Variants in TBCK observed in about 807,000 individuals in gnomAD.
TBCK encodes the protein TBC domain-containing protein kinase-like protein.
TBCK carries 99 observed loss-of-function variants against 113.4 expected under a neutral mutation model. That is an observed-to-expected ratio of 0.87 (90% CI 0.74 to 1.03). The LOEUF is 1.03. TBCK is among the 50% of genes least tolerant of loss of function. TBCK has a pLI of 0.00. For synonymous variants in TBCK, 369 were observed against 370.8 expected (o/e 1.00, Z 0.05); for missense variants, 1,045 against 1,061.3 (o/e 0.98, Z 0.21).
intron 25 of TBCK, among the ~76,000 whole-genome samples, chr4:106,069,198 T>C (rs1737056223): frequency 1.3e-5 from 2 of 152,208 alleles, no homozygotes; most frequent in African/African-American, 4.8e-5. Flanking sequence ...CTTTTGGTGT[T>C]TTAGACATGA....
intron 24 of TBCK, among the ~76,000 whole-genome samples, chr4:106,114,105 C>T (rs958047268): frequency 1.4e-4 from 21 of 152,150 alleles, no homozygotes; most frequent in East Asian, 5.8e-4. Flanking sequence ...GAGCAGTGCC[C>T]GCCACACCTG....
At chr4:106,162,373 G>C (rs536722158) in intron 23 of TBCK, among the ~76,000 whole-genome samples, 1 of 152,266 alleles carries the variant, frequency 6.6e-6, no homozygotes, top group African/African-American at 2.4e-5. Context: ...TTTTCCAGAT[G>C]CATAGTGCAA....
intron 24 of TBCK, among the ~76,000 whole-genome samples, chr4:106,097,512 A>G (rs1258273173): frequency 6.6e-6 from 1 of 152,150 alleles, no homozygotes; most frequent in East Asian, 1.9e-4. Context: ...CTGGCAAAAA[A>G]CAGAGGAGAA....
At chr4:106,257,853 T>C (rs1008760816) in intron 5 of TBCK, among the ~76,000 whole-genome samples, 4 of 152,058 alleles carry the variant, frequency 2.6e-5, no homozygotes, top group East Asian at 1.9e-4. Context: ...AGTGAATATA[T>C]AGACATTAAA....
intron 10 of TBCK, 85 bp downstream of exon 10, chr4:106,247,054 G>C (rs1579384553): frequency 1.5e-6 from 2 of 1,323,532 alleles, no homozygotes; most frequent in East Asian, 4.7e-5. Flanking sequence ...ATATATTGTT[G>C]ATAAGTTCAA....
intron 3 of TBCK, among the ~76,000 whole-genome samples, chr4:106,269,028 G>T (rs1763247367): frequency 2.0e-5 from 3 of 152,088 alleles, no homozygotes; most frequent in Non-Finnish European, 4.4e-5. Flanking sequence ...CATTCTATGA[G>T]TTCAAGATGT....
At chr4:106,061,911 A>C (rs1736102704) in intron 25 of TBCK, among the ~76,000 whole-genome samples, 1 of 151,662 alleles carries the variant, frequency 6.6e-6, no homozygotes, top group Non-Finnish European at 1.5e-5. Flanking sequence ...AGTGATTTTT[A>C]CCAGTGACTC....
At chr4:106,133,695 A>G (rs2149628983) in intron 23 of TBCK, among the ~76,000 whole-genome samples, 1 of 152,308 alleles carries the variant, frequency 6.6e-6, no homozygotes, top group East Asian at 1.9e-4. Context: ...GAATTTAGAG[A>G]AAAGGGCCCA....
At chr4:106,270,922 T>C (rs1302840127) in intron 3 of TBCK, among the ~76,000 whole-genome samples, 1 of 152,208 alleles carries the variant, frequency 6.6e-6, no homozygotes, top group East Asian at 1.9e-4. Flanking sequence ...ACAGTGATTA[T>C]ATTTAGATCA....
chr4:106,106,428 A>C (rs1048962040), intron 24 of TBCK, among the ~76,000 whole-genome samples: 5 of 152,238 alleles, frequency 3.3e-5, no homozygotes, highest in Non-Finnish European at 7.3e-5. Context: ...GATTCCCATC[A>C]GGCTAACAGC....
At position 106,095,701 on chromosome 4, in the gene TBCK, A is replaced by C; in HGVS notation, c.2412-60T>G. On this transcript the variant is annotated intron_variant, in intron 24 of 25. Transcript: ENST00000394708. The stretch of plus-strand genomic sequence containing the variant: ...TGTGCAATCCTGAGTGTCTGAGGGA[A>C]ACTCACAGAGCTAAGTGACTCCCAG... The C allele has an allele frequency of 4.0e-6, 6 of 1,484,428 alleles. No individual in the cohort carries two copies. The South Asian group carries it at 7.6e-5, about 19-fold the overall frequency. The allele number at this position is 1,484,428 out of a possible 1,614,324, so 92.0% of individuals were successfully genotyped here. A position where few individuals can be genotyped will look rare whatever the true frequency, so the allele number is the denominator to read the frequency against.
intron 25 of TBCK, among the ~76,000 whole-genome samples, chr4:106,089,048 T>TA (rs1553926928): frequency 6.6e-6 from 1 of 150,864 alleles, no homozygotes; most frequent in African/African-American, 2.4e-5. Flanking sequence ...TTTTTTTTTT[T>TA]AATAGAAGAA....
intron 5 of TBCK, among the ~76,000 whole-genome samples, chr4:106,256,219 G>A (rs1457272357): frequency 2.0e-5 from 3 of 152,148 alleles, no homozygotes; most frequent in Non-Finnish European, 4.4e-5. Flanking sequence ...AGGCCCTCCT[G>A]GGCTTGAAGG....
chr4:106,180,051 G>T (rs1183759718), intron 22 of TBCK, among the ~76,000 whole-genome samples: 1 of 151,802 alleles, frequency 6.6e-6, no homozygotes, highest in Non-Finnish European at 1.5e-5. Flanking sequence ...TATATGTACA[G>T]TTGCTTCAGC....
At chr4:106,093,622 T>C (rs1740575097) in intron 25 of TBCK, among the ~76,000 whole-genome samples, 1 of 152,182 alleles carries the variant, frequency 6.6e-6, no homozygotes, top group Admixed American at 6.5e-5. Context: ...AATCTGACTT[T>C]TACAGTTTTA....
At chr4:106,201,395 T>C (rs1197177615) in intron 20 of TBCK, among the ~76,000 whole-genome samples, 1 of 152,026 alleles carries the variant, frequency 6.6e-6, no homozygotes, top group Non-Finnish European at 1.5e-5. Context: ...GGGTTTTGAT[T>C]AAAAAGAAAA....
intron 4 of TBCK, 63 bp downstream of exon 4, chr4:106,262,035 T>G: frequency 2.3e-6 from 2 of 879,066 alleles, no homozygotes; most frequent in Non-Finnish European, 3.5e-6. Context: ...TGAGTAGCCC[T>G]GATCCCAGTT....
chr4:106,085,177 T>C (rs1739356220), intron 25 of TBCK, among the ~76,000 whole-genome samples: 1 of 152,082 alleles, frequency 6.6e-6, no homozygotes, highest in Non-Finnish European at 1.5e-5. Context: ...TCAAGACCCA[T>C]TGGTGTGCTG....
chr4:106,182,721 C>T (rs1752546463), intron 22 of TBCK: 1 of 151,888 alleles, frequency 6.6e-6, no homozygotes, highest in Admixed American at 6.6e-5. Context: ...TAGAAGAAGA[C>T]TGAAAATTAT....
Sources: gnomAD v4.1 joint callset for allele counts (sites outside exome capture counted in the v4.1 genomes callset) on GRCh38, gnomAD v4.1.1 for gene constraint, MANE v1.5 for transcripts, NCBI Gene and HGNC (gene_info 2026-07-23, HGNC 2026-07-21) for gene names.